The following CLUL1 variants were observed in gnomAD, a reference collection of about 807,000 sequenced individuals.
The protein encoded by CLUL1 is clusterin like 1.
A neutral mutation model predicts 49.4 loss-of-function variants in CLUL1; 43 were observed. That is an observed-to-expected ratio of 0.87 (90% confidence interval 0.68 to 1.12). The LOEUF (loss-of-function observed/expected upper bound fraction) is 1.12. Among genes scored for constraint, CLUL1 ranks in the 50% most tolerant of loss-of-function variants. The pLI, the probability that CLUL1 is intolerant of heterozygous loss-of-function variation, is 0.00. For missense variants in CLUL1, 486 were observed against 544.4 expected, an observed-to-expected ratio of 0.89 and a Z score of 1.07; for synonymous variants, 192 against 184.9, an observed-to-expected ratio of 1.04 and a Z score of -0.31.
In CLUL1 at chr18:620,224, C is replaced by T. The variant is rs180840942; in HGVS notation, c.255+863C>T. ...TTCTAGATATTTTGAAACTTTTAGCCGACTTGCCAGATCTGATTAGATCAC... is the reference window on the plus strand; with the variant it reads ...TTCTAGATATTTTGAAACTTTTAGCTGACTTGCCAGATCTGATTAGATCAC... On this transcript the variant is annotated intron_variant, in intron 4 of 9. Coordinates refer to ENST00000692774, the MANE Select transcript of CLUL1 (RefSeq NM_001393344.1). Among the ~76,000 whole-genome samples, 964 of 152,196 alleles carry T rather than the reference C, an allele frequency of 6.3e-3. 5 individuals are homozygous for T. Among genetic ancestry groups the T allele is most frequent in the South Asian group, 0.015 (74 of 4,822 alleles).
intron 2 of CLUL1, chr18:613,289 C>G (rs1464032628): frequency 2.5e-6 from 1 of 393,068 alleles, no homozygotes; most frequent in African/African-American, 2.1e-5. Flanking sequence ...TAGGTGCGTG[C>G]CACCACACCC....
Position 609,756 on chromosome 18 carries a change from A to G in CLUL1, c.-14+2657A>G, listed in dbSNP as rs549857164. 8.4e-4 allele frequency among the ~76,000 whole-genome samples: 127 copies of G among 150,320 alleles called. 1 individual carries two copies. Among genetic ancestry groups the G allele is most frequent in the African/African-American group, 2.8e-3 (113 of 40,978 alleles). On this transcript the variant is annotated intron_variant, in intron 2 of 9. Transcript: ENST00000692774. ...GGAGAATCTCTTGAACCTGGGAGGC[A>G]GAGGTTGCAGAGAGCAGAGATCACT...
At chr18:626,878 A>T (rs1351859208) in intron 5 of CLUL1, among the ~76,000 whole-genome samples, 1 of 184 alleles carries the variant, frequency 5.4e-3, no homozygotes, top group African/African-American at 5.8e-3. Context: ...AAAGAAAGAA[A>T]GAAAGAAAGA....
chr18:635,482 A>G (rs547313491), intron 7 of CLUL1, among the ~76,000 whole-genome samples: 4 of 151,836 alleles, frequency 2.6e-5, no homozygotes, highest in African/African-American at 9.7e-5. Context: ...GGGGTTGGGG[A>G]CCCCTGCTAT....
chr18:611,351 C>T (rs767367278), intron 2 of CLUL1, among the ~76,000 whole-genome samples: 48 of 150,714 alleles, frequency 3.2e-4, no homozygotes, highest in South Asian at 2.1e-3. Flanking sequence ...TAAAGAAGAT[C>T]GAGAGGTTGA....
chr18:611,234 CTTTT>C (rs57499796), intron 2 of CLUL1, among the ~76,000 whole-genome samples: 6 of 129,414 alleles, frequency 4.6e-5, no homozygotes, highest in African/African-American at 8.6e-5. Flanking sequence ...CACCCCCCAC[CTTTT>C]TTTTTTTTTT....
rs978094202 is a variant in CLUL1, at chr18:606,071, A to G, written c.-135-907A>G. 4.6e-5 allele frequency among the ~76,000 whole-genome samples: 7 copies of G among 152,186 alleles called. No homozygotes were observed. The highest frequency in any genetic ancestry group is 1.0e-4 in the Non-Finnish European group (7 of 68,020). On this transcript the variant is annotated intron_variant, in intron 1 of 9. Transcript: ENST00000692774. The surrounding 1 kb of genome is among the most constrained non-coding windows in gnomAD (Gnocchi z 4.1). ...TGCCTTCCAAGATCACTCTGGAAGAATATTTAAGAATATACCAAATAAGAA... is the reference window on the plus strand; with the variant it reads ...TGCCTTCCAAGATCACTCTGGAAGAGTATTTAAGAATATACCAAATAAGAA...
Position 624,846 on chromosome 18 carries a change from T to C in CLUL1, c.256-19T>C. On this transcript the variant is annotated intron_variant, in intron 4 of 9. Transcript: ENST00000692774. ...GATTATGAAATGGAAATTGGACTTT[T>C]GTTTCTACTTTTAACTAGGAGGCCC... is the stretch of plus-strand genomic sequence containing the variant. 6.2e-7 allele frequency: 1 copy of C among 1,611,720 alleles called. No homozygotes were observed. The highest frequency in any genetic ancestry group is 1.7e-5 in the Admixed American group (1 of 59,586).
chr18:600,164 G>A lies in CLUL1; in HGVS notation c.-136+3035G>A, dbSNP rs1256158261. 2.0e-5 allele frequency among the ~76,000 whole-genome samples: 3 copies of A among 151,816 alleles called. No homozygotes were observed. In the East Asian group the frequency reaches 5.8e-4, roughly 29 times the overall value. On this transcript the variant is annotated intron_variant, in intron 1 of 9. Transcript: ENST00000692774. ...TTTTTTATTTGCTTCAGTAGCATTAGCCTTTCCTACCAAGATTCGAACAAT... is the reference window on the plus strand; with the variant it reads ...TTTTTTATTTGCTTCAGTAGCATTAACCTTTCCTACCAAGATTCGAACAAT...
intron 6 of CLUL1, among the ~76,000 whole-genome samples, chr18:629,595 C>T (rs941743796): frequency 6.6e-6 from 1 of 152,248 alleles, no homozygotes; most frequent in Non-Finnish European, 1.5e-5. Context: ...GCCAGCCCTA[C>T]TCTCAGCTGC....
chr18:632,828 A>G lies in CLUL1; in HGVS notation c.857-470A>G, dbSNP rs976253474. On this transcript the variant is annotated intron_variant, in intron 6 of 9. Coordinates refer to ENST00000692774, the MANE Select transcript of CLUL1 (RefSeq NM_001393344.1). ...AATAGCTGTTCAGTTGTCCCAGGAA[A>G]TTATTGCACCAACGTGCATTTCTGT... Among the ~76,000 whole-genome samples the G allele has an allele frequency of 2.6e-5, 4 of 152,210 alleles. No individual in the cohort carries two copies. In the South Asian group the frequency reaches 8.3e-4, roughly 31 times the overall value.
In CLUL1 at chr18:627,381, G is replaced by T. The variant is rs548196095; in HGVS notation, c.708G>T (p.Pro236=). 6.2e-7 allele frequency: 1 copy of T among 1,614,078 alleles called. No individual in the cohort carries two copies. Among genetic ancestry groups the T allele is most frequent in the East Asian group, 2.2e-5 (1 of 44,862 alleles). ...PYFFPAFSKE[P]MTKADLEQCW... Reference sequence around the variant, plus strand: ...TTTTTCCAGCTTTCTCTAAAGAGCCGATGACAAAAGCAGATCTTGAGCAAT... The same window carrying T: ...TTTTTCCAGCTTTCTCTAAAGAGCCTATGACAAAAGCAGATCTTGAGCAAT... The change falls in exon 6 of 10, where the codon CCG becomes CCT. Residue 236 remains proline (P), a synonymous_variant. Coordinates refer to ENST00000692774, the MANE Select transcript of CLUL1 (RefSeq NM_001393344.1).
rs772393391 is a variant in CLUL1 at position 633,268 on chromosome 18, A to G, written c.857-30A>G. Reference sequence around the variant, plus strand: ...TCTTCAAAGTGCAAACTCTTATGACACTAACGTGTAAATGTTATGTTCCCT... The same window carrying G: ...TCTTCAAAGTGCAAACTCTTATGACGCTAACGTGTAAATGTTATGTTCCCT... On this transcript the variant is annotated intron_variant, in intron 6 of 9. Coordinates refer to ENST00000692774, the MANE Select transcript of CLUL1 (RefSeq NM_001393344.1). 40 of 1,580,594 alleles carry G rather than the reference A, an allele frequency of 2.5e-5. No individual in the cohort carries two copies. In the South Asian group the frequency reaches 4.6e-4, roughly 18 times the overall value.
intron 4 of CLUL1, among the ~76,000 whole-genome samples, chr18:623,280 G>A (rs570825990): frequency 3.9e-5 from 6 of 152,108 alleles, no homozygotes; most frequent in South Asian, 2.1e-4. Context: ...TGATCCACCC[G>A]CCTCAGCCTC....
At chr18:633,641 C>A (rs1187609817) in intron 7 of CLUL1, among the ~76,000 whole-genome samples, 2 of 152,132 alleles carry the variant, frequency 1.3e-5, no homozygotes, top group Admixed American at 6.6e-5. Context: ...GGAAGGGGTT[C>A]TTAACCCTGA....
Position 646,524 on chromosome 18 carries a change from A to G in CLUL1, c.1397+1427A>G, listed in dbSNP as rs1053727231. ...CACACACACACACACACACACACACACACACACACACACACTATAAAGCAA... is the reference window on the plus strand; with the variant it reads ...CACACACACACACACACACACACACGCACACACACACACACTATAAAGCAA... On this transcript the variant is annotated intron_variant, in intron 9 of 9. Coordinates refer to ENST00000692774, the MANE Select transcript of CLUL1 (RefSeq NM_001393344.1). 6.6e-5 allele frequency among the ~76,000 whole-genome samples: 10 copies of G among 151,536 alleles called. No homozygotes were observed. The Middle Eastern group carries it at 0.01, about 156-fold the overall frequency.
At position 626,916 on chromosome 18, in the gene CLUL1, A is replaced by AG. The variant is rs1567966532; in HGVS notation, c.424-181_424-180insG. Among the ~76,000 whole-genome samples the AG allele has an allele frequency of 7.2e-3, 11 of 1,524 alleles. 3 individuals are homozygous for AG. Among genetic ancestry groups the AG allele is most frequent in the African/African-American group, 7.1e-3 (10 of 1,412 alleles). 1.0% of individuals were successfully genotyped at this position (1,524 alleles called of 152,430 possible). On this transcript the variant is annotated intron_variant, in intron 5 of 9. Coordinates refer to ENST00000692774, the MANE Select transcript of CLUL1 (RefSeq NM_001393344.1). ...GAAAGAAAGAAAGAAAGAAAGAAAG[A>AG]AAGAAAGAAAGAAGGAAAGAAGGAA...
intron 4 of CLUL1, among the ~76,000 whole-genome samples, chr18:620,695 T>C (rs476896): frequency 1 from 152,259 of 152,360 alleles, 76,079 homozygotes; most frequent in Non-Finnish European, 1. Context: ...ATAGCTTGAA[T>C]TACATATTTT....
chr18:626,916 AAAGAAAGAAAGAAGGAAAGAAGGAAAG>A (rs2073766598), intron 5 of CLUL1, among the ~76,000 whole-genome samples, 154 bp from the exon 6 acceptor site: 1 of 1,502 alleles, frequency 6.7e-4, no homozygotes, highest in African/African-American at 7.2e-4. Flanking sequence ...AGAAAGAAAG[AAAGAAAGAAAGAAGGAAAGAAGGAAAG>A]AAGGAAGGAA....
Sources: allele counts gnomAD v4.1 joint callset (sites outside exome capture counted in the v4.1 genomes callset), GRCh38; gene constraint gnomAD v4.1.1; non-coding constraint Gnocchi (gnomAD v3.1); transcripts MANE v1.5; gene names NCBI Gene and HGNC (gene_info 2026-07-23, HGNC 2026-07-21).